The following CACNA1G variants were observed in gnomAD, a reference collection of about 807,000 sequenced individuals.
CACNA1G encodes the protein calcium voltage-gated channel subunit alpha1 G.
CACNA1G carries 67 observed loss-of-function variants against 219.4 expected under a neutral mutation model. That is an observed-to-expected ratio of 0.31 (90% CI 0.25 to 0.37). CACNA1G has a LOEUF of 0.37. CACNA1G is among the 10% of genes least tolerant of loss of function. The probability of loss-of-function intolerance (pLI) is 1.00; values close to 1 mark genes in which losing one functional copy is unlikely to be tolerated. For synonymous variants in CACNA1G, 1,296 were observed against 1,345.3 expected (o/e 0.96, Z 0.80); for missense variants, 2,380 against 3,231.4 (o/e 0.74, Z 6.39).
At chr17:50,586,781 G>C (rs1246207266) in intron 9 of CACNA1G, among the ~76,000 whole-genome samples, 1 of 152,226 alleles carries the variant, frequency 6.6e-6, no homozygotes, top group African/African-American at 2.4e-5. Flanking sequence ...CACACAGAAG[G>C]CACTTTTAGG....
chr17:50,592,292 G>T (rs534017593), intron 13 of CACNA1G, among the ~76,000 whole-genome samples, 200 bp downstream of exon 13: 2 of 152,300 alleles, frequency 1.3e-5, no homozygotes, highest in South Asian at 4.1e-4. Context: ...GGGACACAGG[G>T]TGGTTGTTTG....
intron 13 of CACNA1G, among the ~76,000 whole-genome samples, chr17:50,593,990 G>A (rs949528032): frequency 3.3e-5 from 5 of 152,222 alleles, no homozygotes; most frequent in African/African-American, 1.2e-4. Flanking sequence ...GGGGAGTCTG[G>A]TTTTGCTGTT....
intron 5 of CACNA1G, 63 bp downstream of exon 5, chr17:50,572,100 A>G (rs2039568959): frequency 6.5e-6 from 10 of 1,531,398 alleles, no homozygotes; most frequent in Middle Eastern, 1.7e-4. Flanking sequence ...CACCCCCCCA[A>G]GTTCCTCACT....
chr17:50,575,626 G>T lies in CACNA1G; in HGVS notation c.1224G>T (p.Leu408=), dbSNP rs373526821. The T allele has an allele frequency of 4.3e-5, 70 of 1,613,782 alleles. No homozygotes were observed. In the East Asian group the frequency reaches 6.2e-4, roughly 14 times the overall value. Residue 408 remains leucine, a synonymous_variant, in exon 8 of 38, where the codon CTG becomes CTT. Transcript: ENST00000359106. The part of the protein sequence containing the change: ...FSETKQRESQ[L]MREQRVRFLS... ...AGACCAAGCAGCGGGAAAGCCAGCT[G>T]ATGCGGGAGCAGCGTGTGCGGTTCC... is the stretch of plus-strand genomic sequence containing the variant.
At chr17:50,617,000 G>A (rs991955215) in intron 28 of CACNA1G, among the ~76,000 whole-genome samples, 4 of 151,882 alleles carry the variant, frequency 2.6e-5, no homozygotes, top group South Asian at 2.1e-4. Context: ...ACTGCCACAC[G>A]CAGCTAATTA....
At chr17:50,612,606 CCT>C (rs1351255702) in intron 26 of CACNA1G, among the ~76,000 whole-genome samples, 2 of 152,246 alleles carry the variant, frequency 1.3e-5, no homozygotes, top group Non-Finnish European at 2.9e-5. Context: ...GGGAGTGACC[CCT>C]GTCTTCTGCC....
intron 3 of CACNA1G, 137 bp downstream of exon 3, chr17:50,569,435 G>A: frequency 1.1e-6 from 1 of 932,510 alleles, no homozygotes; most frequent in South Asian, 1.6e-5. Context: ...CTGAGGGTCT[G>A]AGGCTGCCCT....
At chr17:50,599,117 C>T (rs1279590290) in intron 16 of CACNA1G, among the ~76,000 whole-genome samples, 4 of 152,214 alleles carry the variant, frequency 2.6e-5, no homozygotes, top group African/African-American at 9.7e-5. Context: ...TGTTTCTTCA[C>T]CCCATTATAT....
rs965471831 is a variant in CACNA1G, at chr17:50,621,064, G to A, written c.5926-596G>A. Among the ~76,000 whole-genome samples, 1 of 152,224 alleles carries A rather than the reference G, an allele frequency of 6.6e-6. No homozygotes were observed. The highest frequency in any genetic ancestry group is 1.5e-5 in the Non-Finnish European group (1 of 68,052). ...TCTCCCAGAGCCCAAGTTGGAGAGGGCGGGCGGGCTGCAGGCAGGCGGAGG... is the reference window on the plus strand; with the variant it reads ...TCTCCCAGAGCCCAAGTTGGAGAGGACGGGCGGGCTGCAGGCAGGCGGAGG... On this transcript the variant is annotated intron_variant, in intron 34 of 37. Coordinates refer to ENST00000359106, the MANE Select transcript of CACNA1G (RefSeq NM_018896.5). The surrounding 1 kb of genome is among the most constrained non-coding windows in gnomAD (Gnocchi z 4.6).
intron 9 of CACNA1G, among the ~76,000 whole-genome samples, chr17:50,587,179 G>T (rs1303192769): frequency 1.3e-5 from 2 of 152,150 alleles, no homozygotes; most frequent in African/African-American, 4.8e-5. Flanking sequence ...TTGTGGAAAA[G>T]GTCTTGAGGG....
In CACNA1G at chr17:50,576,449, G is replaced by A. The variant is rs1598163720; in HGVS notation, c.1924+123G>A. On this transcript the variant is annotated intron_variant, in intron 8 of 37. Coordinates refer to ENST00000359106, the MANE Select transcript of CACNA1G (RefSeq NM_018896.5). ...TTATATTCTCATGCTGCCTCTCATG[G>A]CTTAGGCACCTTCAACCAGTCACAT... is the stretch of plus-strand genomic sequence containing the variant. The A allele has an allele frequency of 2.7e-5, 26 of 959,436 alleles. No homozygotes were observed. The East Asian group carries it at 6.9e-4, about 25-fold the overall frequency. The allele number at this position is 959,436 out of a possible 1,614,324, so 59.4% of individuals were successfully genotyped here. A position where few individuals can be genotyped will look rare whatever the true frequency, so the allele number is the denominator to read the frequency against.
In CACNA1G at chr17:50,599,633, G is replaced by A; in HGVS notation, c.3464G>A (p.Gly1155Asp). Residue 1155 changes from glycine (G) to aspartate (D), a missense_variant, in exon 17 of 38, where the codon GGC (glycine) becomes GAC (aspartate). By Grantham distance (94) the Gly-to-Asp change is moderately conservative. Around this residue, in one of 17 missense-constraint regions of CACNA1G, gnomAD observed 418 missense variants for 434.3 expected, o/e 0.96. Coordinates refer to ENST00000359106, the MANE Select transcript of CACNA1G (RefSeq NM_018896.5). ...GAAGAGGAGCGGGCCAGCCCTGCGG[G>A]CAGTGACCATCGCCACAGGGGGTCC... Reference protein sequence around the residue: ...SSEEERASPAGSDHRHRGSLE... With the variant: ...SSEEERASPADSDHRHRGSLE... 1 of 1,612,982 alleles carries A rather than the reference G, an allele frequency of 6.2e-7. No homozygotes were observed. The highest frequency in any genetic ancestry group is 8.5e-7 in the Non-Finnish European group (1 of 1,179,504).
At chr17:50,611,700 C>T (rs1010386748) in intron 26 of CACNA1G, among the ~76,000 whole-genome samples, 1 of 152,214 alleles carries the variant, frequency 6.6e-6, no homozygotes, top group African/African-American at 2.4e-5. Flanking sequence ...CCCACCTGGT[C>T]TGTAGACTGA....
chr17:50,605,983 G>C lies in CACNA1G; in HGVS notation c.4382G>C (p.Arg1461Pro), dbSNP rs1433388806. The change falls in exon 23 of 38, where the codon CGG becomes CCG. Residue 1461 changes from arginine (R) to proline (P), a missense_variant. Coordinates refer to ENST00000359106, the MANE Select transcript of CACNA1G (RefSeq NM_018896.5). ...TCGGACTGTGCCGAGGCCAGTTACC[G>C]GTGGGTCCGGCACAAGTACAACTTT... ...NKSDCAEASY[R>P]WVRHKYNFDN... The C allele has an allele frequency of 6.2e-7, 1 of 1,613,896 alleles. No homozygotes were observed.
chr17:50,600,970 G>A lies in CACNA1G; in HGVS notation c.3792-81G>A. 1 of 1,589,682 alleles carries A rather than the reference G, an allele frequency of 6.3e-7. No homozygotes were observed. The highest frequency in any genetic ancestry group is 8.6e-7 in the Non-Finnish European group (1 of 1,164,630). On this transcript the variant is annotated intron_variant, in intron 18 of 37. Coordinates refer to ENST00000359106, the MANE Select transcript of CACNA1G (RefSeq NM_018896.5). The surrounding 1 kb of genome is among the most constrained non-coding windows in gnomAD (Gnocchi z 4.1). Reference sequence around the variant, plus strand: ...TGGCCTCAGCTGGGAGGGCACTGGAGGGGCAGGGGCTGCGGGCGGTGCCTC... The same window carrying A: ...TGGCCTCAGCTGGGAGGGCACTGGAAGGGCAGGGGCTGCGGGCGGTGCCTC...
chr17:50,584,170 A>G (rs2042548456), intron 9 of CACNA1G, among the ~76,000 whole-genome samples: 1 of 152,086 alleles, frequency 6.6e-6, no homozygotes, highest in African/African-American at 2.4e-5. Flanking sequence ...CCCAGGAGGG[A>G]GATCAGGCAG....
Position 50,600,885 on chromosome 17 carries a change from A to G in CACNA1G, c.3791+59A>G. ...CGACCTCTTCTTCTCACGGGAAATT[A>G]CCGCTGGTGATGCTGTCAGGGATTT... On this transcript the variant is annotated intron_variant, in intron 18 of 37. Coordinates refer to ENST00000359106, the MANE Select transcript of CACNA1G (RefSeq NM_018896.5). The surrounding 1 kb of genome is among the most constrained non-coding windows in gnomAD (Gnocchi z 4.1). 1 of 1,572,416 alleles carries G rather than the reference A, an allele frequency of 6.4e-7. No homozygotes were observed. The highest frequency in any genetic ancestry group is 1.1e-5 in the South Asian group (1 of 90,196).
rs1171878040 is a variant in CACNA1G at position 50,603,332 on chromosome 17, C to T, written c.4169+133C>T. 14 of 736,112 alleles carry T rather than the reference C, an allele frequency of 1.9e-5. No individual in the cohort carries two copies. The highest frequency in any genetic ancestry group is 8.8e-5 in the African/African-American group (5 of 56,948). 45.6% of individuals were successfully genotyped at this position (736,112 alleles called of 1,614,324 possible). ...GCATCCTGTCTGTGACCCCCACAGG[C>T]GATCCTGTCCCCGCCCCAGACAACA... On this transcript the variant is annotated intron_variant, in intron 21 of 37. Coordinates refer to ENST00000359106, the MANE Select transcript of CACNA1G (RefSeq NM_018896.5). This position sits in a 1 kb window ranked among gnomAD's most constrained non-coding sequence, Gnocchi z 6.4.
At chr17:50,608,412 CCTA>C (rs200529957) in intron 25 of CACNA1G, among the ~76,000 whole-genome samples, 8,410 of 152,000 alleles carry the variant, frequency 0.055, 341 homozygotes, top group Middle Eastern at 0.11. Flanking sequence ...CCTGCACCCA[CCTA>C]GTGTCTGCAG....
Sources: allele counts gnomAD v4.1 joint callset (sites outside exome capture counted in the v4.1 genomes callset), GRCh38; gene constraint gnomAD v4.1.1; regional missense constraint gnomAD v4.1.1; non-coding constraint Gnocchi (gnomAD v3.1); transcripts MANE v1.5; gene names NCBI Gene and HGNC (gene_info 2026-07-23, HGNC 2026-07-21).